Variants in SEZ6L observed in about 807,000 individuals in gnomAD.
SEZ6L encodes the protein seizure 6-like protein.
A neutral mutation model predicts 106.2 loss-of-function variants in SEZ6L; 37 were observed. The observed-to-expected ratio is 0.35, with a 90% CI of 0.27 to 0.46. SEZ6L has a LOEUF of 0.46. SEZ6L is among the 20% of genes least tolerant of loss of function. The pLI is 1.00. For missense variants in SEZ6L, 1,172 were observed against 1,332.8 expected, an observed-to-expected ratio of 0.88 and a Z score of 1.88; for synonymous variants, 541 against 570.4, an observed-to-expected ratio of 0.95 and a Z score of 0.73.
At chr22:26,236,907 C>T (rs536415442) in intron 1 of SEZ6L, among the ~76,000 whole-genome samples, 16 of 152,310 alleles carry the variant, frequency 1.1e-4, no homozygotes, top group African/African-American at 3.6e-4. Flanking sequence ...GTCCCCCTAA[C>T]ACACCAGCCT....
chr22:26,313,596 ACACACACG>A (rs760678868), intron 8 of SEZ6L, among the ~76,000 whole-genome samples, 160 bp from the exon 9 acceptor site: 5,650 of 78,746 alleles, frequency 0.072, 245 homozygotes, highest in African/African-American at 0.25. Context: ...ACACACACAC[ACACACACG>A]CACACACACA....
chr22:26,372,637 G>C (rs1379802051), intron 13 of SEZ6L, among the ~76,000 whole-genome samples: 1 of 152,126 alleles, frequency 6.6e-6, no homozygotes, highest in Non-Finnish European at 1.5e-5. Flanking sequence ...AGTCCTTCAT[G>C]CTGGGGTTTT....
At chr22:26,255,716 C>T (rs1297129697) in intron 1 of SEZ6L, among the ~76,000 whole-genome samples, 1 of 152,212 alleles carries the variant, frequency 6.6e-6, no homozygotes, top group Non-Finnish European at 1.5e-5. Flanking sequence ...GCAAAAGCAT[C>T]CCCAGAGGCA....
At chr22:26,313,198 G>A (rs973600279) in intron 8 of SEZ6L, among the ~76,000 whole-genome samples, 2 of 152,138 alleles carry the variant, frequency 1.3e-5, no homozygotes, top group African/African-American at 4.8e-5. Flanking sequence ...CTAAATTATC[G>A]AGCAGCTACC....
At chr22:26,180,378 C>T (rs1466782086) in intron 1 of SEZ6L, among the ~76,000 whole-genome samples, 1 of 152,168 alleles carries the variant, frequency 6.6e-6, no homozygotes, top group Non-Finnish European at 1.5e-5. Context: ...TGCCTCCCTC[C>T]GTGCTGTACA....
At chr22:26,175,660 G>C (rs1328304537) in intron 1 of SEZ6L, among the ~76,000 whole-genome samples, 1 of 151,900 alleles carries the variant, frequency 6.6e-6, no homozygotes, top group Non-Finnish European at 1.5e-5. Context: ...GAGCAGTCCA[G>C]CTGGTTCATT....
At chr22:26,358,474 C>T (rs1056580250) in intron 12 of SEZ6L, among the ~76,000 whole-genome samples, 1 of 152,212 alleles carries the variant, frequency 6.6e-6, no homozygotes, top group Non-Finnish European at 1.5e-5. Flanking sequence ...CAAAGCTCCA[C>T]TGCTTGTAGG....
chr22:26,282,776 T>A (rs1226423209), intron 1 of SEZ6L, among the ~76,000 whole-genome samples: 1 of 152,192 alleles, frequency 6.6e-6, no homozygotes, highest in Admixed American at 6.5e-5. Flanking sequence ...AGAAAAGAAA[T>A]GCTGACTTCA....
At chr22:26,256,787 C>T (rs1027637196) in intron 1 of SEZ6L, among the ~76,000 whole-genome samples, 9 of 152,230 alleles carry the variant, frequency 5.9e-5, no homozygotes, top group Non-Finnish European at 1.2e-4. Flanking sequence ...TAGGGCCTGG[C>T]ATCTGTGCTT....
At chr22:26,189,533 G>C (rs1940030255) in intron 1 of SEZ6L, among the ~76,000 whole-genome samples, 1 of 152,090 alleles carries the variant, frequency 6.6e-6, no homozygotes, top group Non-Finnish European at 1.5e-5. Context: ...ACAATACAAT[G>C]ATAGAAAATA....
intron 1 of SEZ6L, among the ~76,000 whole-genome samples, chr22:26,243,455 A>G (rs1436139463): frequency 1.3e-5 from 2 of 152,238 alleles, no homozygotes; most frequent in African/African-American, 2.4e-5. Context: ...GGTGCACAGC[A>G]TTCTGACAGA....
chr22:26,333,590 C>T (rs1325889659), intron 9 of SEZ6L, among the ~76,000 whole-genome samples: 2 of 150,484 alleles, frequency 1.3e-5, no homozygotes, highest in African/African-American at 5.0e-5. Context: ...TGGCCCTATG[C>T]CCTGAGCTGG....
intron 9 of SEZ6L, among the ~76,000 whole-genome samples, chr22:26,326,922 G>A (rs2082322290): frequency 6.6e-6 from 1 of 152,212 alleles, no homozygotes; most frequent in African/African-American, 2.4e-5. Flanking sequence ...AGCCCTCCAG[G>A]TTTCAAAGTT....
At chr22:26,354,159 C>T (rs937071376) in intron 12 of SEZ6L, among the ~76,000 whole-genome samples, 5 of 152,186 alleles carry the variant, frequency 3.3e-5, no homozygotes, top group Admixed American at 2.0e-4. Context: ...AAGTTCTAAC[C>T]CACAGTATCT....
intron 13 of SEZ6L, among the ~76,000 whole-genome samples, chr22:26,366,320 C>T (rs138642855): frequency 3.2e-3 from 481 of 150,044 alleles, no homozygotes; most frequent in Middle Eastern, 7.2e-3. Context: ...GGTGACACAG[C>T]GAGATTCTAT....
At chr22:26,256,639 G>A (rs1478574752) in intron 1 of SEZ6L, among the ~76,000 whole-genome samples, 7 of 152,204 alleles carry the variant, frequency 4.6e-5, no homozygotes, top group South Asian at 2.1e-4. Flanking sequence ...GGACTTCCAC[G>A]GCTGGGAACC....
rs181209173 is a variant in SEZ6L, at chr22:26,223,134, G to A, written c.94+53371G>A. On this transcript the variant is annotated intron_variant, in intron 1 of 16. Transcript: ENST00000248933. ...GTTGTAGCAGCTCACCCCAAACGTG[G>A]TAGTCACAGGATTCTTTCCTTAGCT... 1.2e-3 allele frequency among the ~76,000 whole-genome samples: 181 copies of A among 152,292 alleles called. 4 individuals carry two copies. Among genetic ancestry groups the A allele is most frequent in the Non-Finnish European group, 1.5e-4 (10 of 68,028 alleles).
intron 1 of SEZ6L, among the ~76,000 whole-genome samples, chr22:26,276,848 A>T (rs1284870661): frequency 2.6e-5 from 4 of 152,228 alleles, no homozygotes; most frequent in Non-Finnish European, 5.9e-5. Flanking sequence ...GTTGGCATTG[A>T]TGTCAGCCAC....
intron 9 of SEZ6L, among the ~76,000 whole-genome samples, chr22:26,327,388 C>G (rs1184566023): frequency 3.6e-5 from 5 of 138,590 alleles, no homozygotes; most frequent in South Asian, 2.3e-4. Context: ...CTACACACAC[C>G]ATACACACAC....
Sources: gnomAD v4.1 joint callset for allele counts (sites outside exome capture counted in the v4.1 genomes callset) on GRCh38, gnomAD v4.1.1 for gene constraint, MANE v1.5 for transcripts, NCBI Gene and HGNC (gene_info 2026-07-23, HGNC 2026-07-21) for gene names.